UNC13C: variants seen among roughly 807,000 people sequenced by gnomAD.
The protein encoded by UNC13C is protein unc-13 homolog C.
Under a neutral mutation model 245.4 loss-of-function variants are expected in UNC13C, and 174 were observed. That is an observed-to-expected ratio of 0.71 (90% CI 0.63 to 0.80). The LOEUF (loss-of-function observed/expected upper bound fraction) is 0.80. Ranked by LOEUF, UNC13C falls within the 30% of genes least tolerant of loss-of-function variation. The pLI is 0.00. For synonymous variants in UNC13C, 992 were observed against 895.1 expected, an observed-to-expected ratio of 1.11 and a Z score of -1.93; for missense variants, 2,829 against 2,602.9, an observed-to-expected ratio of 1.09 and a Z score of -1.89.
intron 18 of UNC13C, among the ~76,000 whole-genome samples, chr15:54,397,498 T>G (rs751750353): frequency 6.6e-6 from 1 of 151,532 alleles, no homozygotes; most frequent in Non-Finnish European, 1.5e-5. Context: ...GAAAATAGTT[T>G]GGCTCTTCTA....
chr15:54,585,007 T>C (rs574257835), intron 30 of UNC13C, among the ~76,000 whole-genome samples: 17 of 152,350 alleles, frequency 1.1e-4, no homozygotes, highest in African/African-American at 4.1e-4. Context: ...GCCTATACTT[T>C]TGATTCCCCA....
rs537324756 is a variant in UNC13C at position 54,441,894 on chromosome 15, T to C, written c.4933+26827T>C. 1.0e-3 allele frequency among the ~76,000 whole-genome samples: 157 copies of C among 152,078 alleles called. 1 individual carries two copies. The highest frequency in any genetic ancestry group is 2.0e-3 in the Non-Finnish European group (133 of 67,992). On this transcript the variant is annotated intron_variant, in intron 19 of 32. Transcript: ENST00000260323. ...GTTTTGTAGTTTTCATTGTGGAGTC[T>C]TTTATCATCTTTGTTTAATTTATTC... is the stretch of plus-strand genomic sequence containing the variant.
chr15:54,385,191 A>G (rs1226839925), intron 17 of UNC13C, among the ~76,000 whole-genome samples: 1 of 152,176 alleles, frequency 6.6e-6, no homozygotes, highest in East Asian at 1.9e-4. Flanking sequence ...AAAGATATGG[A>G]ATCAACCTAA....
At chr15:53,951,205 T>G in the UNC13C span, among the ~76,000 whole-genome samples, 1 of 152,216 alleles carries the variant, frequency 6.6e-6, no homozygotes, top group Non-Finnish European at 1.5e-5. Context: ...TCAATAAACC[T>G]ACATGGCTGG....
At chr15:54,419,431 C>T (rs1433577123) in intron 19 of UNC13C, among the ~76,000 whole-genome samples, 1 of 152,120 alleles carries the variant, frequency 6.6e-6, no homozygotes, top group Non-Finnish European at 1.5e-5. Flanking sequence ...TGGCTAATAA[C>T]TTCAATAACT....
chr15:53,872,366 G>A, the UNC13C span, among the ~76,000 whole-genome samples: 13 of 151,964 alleles, frequency 8.6e-5, no homozygotes, highest in East Asian at 2.5e-3. Flanking sequence ...TTTTCTTCCA[G>A]GTAAGGGGTT....
chr15:54,613,660 A>G (rs1031063701), intron 30 of UNC13C, among the ~76,000 whole-genome samples: 2 of 151,978 alleles, frequency 1.3e-5, no homozygotes, highest in African/African-American at 4.8e-5. Flanking sequence ...TATTTGTGTA[A>G]TATCTTCTTT....
At chr15:54,619,341 T>A (rs1403318152) in intron 30 of UNC13C, among the ~76,000 whole-genome samples, 1 of 152,218 alleles carries the variant, frequency 6.6e-6, no homozygotes, top group East Asian at 1.9e-4. Context: ...TTAGATTAAC[T>A]CATTTGCACT....
chr15:53,962,181 A>G, the UNC13C span, among the ~76,000 whole-genome samples: 1 of 152,036 alleles, frequency 6.6e-6, no homozygotes, highest in Admixed American at 6.6e-5. Flanking sequence ...ATTTTGTTTA[A>G]ACTCTACTGC....
chr15:54,014,991 A>G lies in UNC13C; in HGVS notation c.2088A>G (p.Glu696=). 1 of 1,613,710 alleles carries G rather than the reference A, an allele frequency of 6.2e-7. No homozygotes were observed. Among genetic ancestry groups the G allele is most frequent in the Non-Finnish European group, 8.5e-7 (1 of 1,179,830 alleles). Residue 696 remains glutamate, a synonymous_variant, in exon 2 of 33, where the codon GAA becomes GAG. Transcript: ENST00000260323. ...TTGATGTTTACAATAAAGACCTAGA[A>G]TACTTGGGAAAGTGCCACAGTGATC... The part of the protein sequence containing the change: ...QQLDVYNKDL[E]YLGKCHSDLQ...
chr15:53,995,801 A>C (rs1894603923), intron 1 of UNC13C, among the ~76,000 whole-genome samples: 1 of 152,180 alleles, frequency 6.6e-6, no homozygotes, highest in South Asian at 2.1e-4. Flanking sequence ...AATACTTTTT[A>C]TGCCCAATAA....
chr15:54,530,223 C>T (rs1414872265), intron 25 of UNC13C, among the ~76,000 whole-genome samples: 1 of 152,152 alleles, frequency 6.6e-6, no homozygotes, highest in Non-Finnish European at 1.5e-5. Flanking sequence ...ATATACATAT[C>T]CATTATAAAA....
At chr15:53,871,513 T>C in the UNC13C span, among the ~76,000 whole-genome samples, 2 of 152,220 alleles carry the variant, frequency 1.3e-5, no homozygotes, top group Non-Finnish European at 2.9e-5. Context: ...GTGCCTTCTA[T>C]GCAAGGCTGT....
chr15:53,997,073 G>A (rs1311540158), intron 1 of UNC13C, among the ~76,000 whole-genome samples: 1 of 151,834 alleles, frequency 6.6e-6, no homozygotes, highest in African/African-American at 2.4e-5. Context: ...TCCATCATTT[G>A]GTGTAACCAG....
chr15:54,131,897 A>G (rs1329671103), intron 2 of UNC13C, among the ~76,000 whole-genome samples: 1 of 152,044 alleles, frequency 6.6e-6, no homozygotes, highest in East Asian at 1.9e-4. Flanking sequence ...TCTGCCAGGA[A>G]TACCTTCACA....
At chr15:53,915,276 G>A in the UNC13C span, among the ~76,000 whole-genome samples, 1 of 152,196 alleles carries the variant, frequency 6.6e-6, no homozygotes, top group Admixed American at 6.5e-5. Context: ...AGAGTGGGTG[G>A]AAGGAACTTG....
intron 24 of UNC13C, among the ~76,000 whole-genome samples, chr15:54,521,854 TA>T (rs1895228889): frequency 1.3e-5 from 2 of 152,248 alleles, no homozygotes; most frequent in Admixed American, 6.5e-5. Flanking sequence ...AGGGAATTTT[TA>T]TGCTTCTGTC....
At chr15:54,180,145 C>A (rs575703774) in intron 4 of UNC13C, among the ~76,000 whole-genome samples, 492 of 152,036 alleles carry the variant, frequency 3.2e-3, no homozygotes, top group Non-Finnish European at 5.8e-3. Flanking sequence ...AGTTTTTAAA[C>A]CTTTGCCTCT....
intron 29 of UNC13C, among the ~76,000 whole-genome samples, chr15:54,556,525 C>T (rs1897096609): frequency 6.6e-6 from 1 of 151,716 alleles, no homozygotes; most frequent in South Asian, 2.1e-4. Flanking sequence ...CCTGGAGGCA[C>T]CTGGATCACA....
Sources: allele counts gnomAD v4.1 joint callset (sites outside exome capture counted in the v4.1 genomes callset), GRCh38; gene constraint gnomAD v4.1.1; transcripts MANE v1.5; gene names NCBI Gene and HGNC (gene_info 2026-07-23, HGNC 2026-07-21).